Variants in MYO3A observed in about 807,000 individuals in gnomAD.
MYO3A encodes the protein myosin IIIA.
A neutral mutation model predicts 192.7 loss-of-function variants in MYO3A; 180 were observed. That is an observed-to-expected ratio of 0.93 (90% CI 0.83 to 1.06). MYO3A has a LOEUF of 1.06. Among genes scored for constraint, MYO3A ranks in the 50% least tolerant of loss-of-function variants. MYO3A has a pLI of 0.00. For missense variants in MYO3A, 1,896 were observed against 1,905.0 expected, an observed-to-expected ratio of 1.00 and a Z score of 0.09; for synonymous variants, 628 against 645.3, an observed-to-expected ratio of 0.97 and a Z score of 0.41.
At chr10:26,122,589 A>C (rs748185692) in intron 18 of MYO3A, among the ~76,000 whole-genome samples, 1 of 152,154 alleles carries the variant, frequency 6.6e-6, no homozygotes, top group Non-Finnish European at 1.5e-5. Flanking sequence ...CCAGTTGTTC[A>C]TTTCACATCA....
intron 23 of MYO3A, among the ~76,000 whole-genome samples, chr10:26,148,023 G>A (rs1168113305): frequency 1.3e-5 from 2 of 152,248 alleles, no homozygotes; most frequent in African/African-American, 2.4e-5. Flanking sequence ...CTTTACTGGA[G>A]TTTAAAATTG....
intron 18 of MYO3A, among the ~76,000 whole-genome samples, chr10:26,124,591 A>G (rs2131726478): frequency 6.6e-6 from 1 of 152,314 alleles, no homozygotes; most frequent in South Asian, 2.1e-4. Flanking sequence ...ACCAAGAAAC[A>G]TCTTGTCACA....
At chr10:26,206,076 T>G (rs1033279975) in intron 34 of MYO3A, among the ~76,000 whole-genome samples, 6 of 151,938 alleles carry the variant, frequency 3.9e-5, no homozygotes, top group Non-Finnish European at 7.4e-5. Context: ...TTTTTTTTTT[T>G]TTTTGAGTGA....
chr10:26,197,781 G>A (rs1000112929), intron 32 of MYO3A, among the ~76,000 whole-genome samples: 1 of 152,212 alleles, frequency 6.6e-6, no homozygotes, highest in Admixed American at 6.5e-5. Context: ...GGCTAGGCTG[G>A]TCTCAAACTC....
chr10:26,031,497 G>A (rs1251962530), intron 10 of MYO3A, among the ~76,000 whole-genome samples: 1 of 152,148 alleles, frequency 6.6e-6, no homozygotes, highest in East Asian at 1.9e-4. Flanking sequence ...CCACACTGTA[G>A]GTGAAAGTAG....
chr10:26,043,149 G>GTCTCTCTC (rs59621862), intron 10 of MYO3A, among the ~76,000 whole-genome samples: 6,698 of 143,266 alleles, frequency 0.047, 213 homozygotes, highest in Non-Finnish European at 0.059. Flanking sequence ...GCCAAACAGA[G>GTCTCTCTC]TCTCTCTCTC....
At chr10:26,021,710 T>A in intron 8 of MYO3A, 62 bp downstream of exon 8, 1 of 1,589,344 alleles carries the variant, frequency 6.3e-7, no homozygotes, top group Non-Finnish European at 8.6e-7. Flanking sequence ...AGCCACCAAG[T>A]GTTCATCATG....
intron 32 of MYO3A, among the ~76,000 whole-genome samples, chr10:26,196,362 T>C (rs1361729688): frequency 6.6e-6 from 1 of 152,234 alleles, no homozygotes; most frequent in Non-Finnish European, 1.5e-5. Flanking sequence ...GTGAGAAGTG[T>C]GGAGCAAATT....
intron 15 of MYO3A, 147 bp from the exon 16 acceptor site, chr10:26,096,234 C>T: frequency 1.6e-6 from 1 of 637,480 alleles, no homozygotes; most frequent in Non-Finnish European, 2.8e-6. Context: ...ATAATGACAA[C>T]AATAATGACC....
In MYO3A at chr10:26,096,432, A is replaced by G. The variant is rs1837038521; in HGVS notation, c.1614A>G (p.Glu538=). The G allele has an allele frequency of 6.2e-7, 1 of 1,613,634 alleles. No homozygotes were observed. Among genetic ancestry groups the G allele is most frequent in the Non-Finnish European group, 8.5e-7 (1 of 1,179,892 alleles). ...IFYYIYAGLA[E]KKKLAHYKLP... ...ACTACATTTATGCTGGTTTGGCTGAAAAGAAGAAACTAGCCCATTACAAAC... is the reference window on the plus strand; with the variant it reads ...ACTACATTTATGCTGGTTTGGCTGAGAAGAAGAAACTAGCCCATTACAAAC... The change falls in exon 16 of 35, where the codon GAA becomes GAG. Residue 538 remains glutamate, a synonymous_variant. Transcript: ENST00000642920.
At chr10:25,994,342 A>AT (rs1271866158) in intron 4 of MYO3A, among the ~76,000 whole-genome samples, 26 of 151,780 alleles carry the variant, frequency 1.7e-4, no homozygotes, top group African/African-American at 6.0e-4. Context: ...CAACCCCTGC[A>AT]TTTTTTTGTT....
intron 14 of MYO3A, among the ~76,000 whole-genome samples, chr10:26,071,595 A>T (rs1046646714): frequency 6.6e-6 from 1 of 152,198 alleles, no homozygotes; most frequent in African/African-American, 2.4e-5. Flanking sequence ...AACACAACCC[A>T]CAGACTCAGA....
At chr10:25,981,305 C>T (rs11014881) in intron 4 of MYO3A, among the ~76,000 whole-genome samples, 3,865 of 151,934 alleles carry the variant, frequency 0.025, 185 homozygotes, top group African/African-American at 0.088. Flanking sequence ...AAAATTAAGT[C>T]AAAACGGATC....
chr10:26,007,578 T>C (rs1305956008), intron 6 of MYO3A, among the ~76,000 whole-genome samples: 1 of 152,148 alleles, frequency 6.6e-6, no homozygotes, highest in African/African-American at 2.4e-5. Context: ...AGCATTCTTA[T>C]ACACCAATCA....
At chr10:26,051,243 A>G (rs867929725) in intron 10 of MYO3A, among the ~76,000 whole-genome samples, 23 of 152,206 alleles carry the variant, frequency 1.5e-4, no homozygotes, top group African/African-American at 5.3e-4. Flanking sequence ...CAAATACATG[A>G]AGGATGGTGG....
At chr10:25,996,183 T>C (rs1203710190) in intron 4 of MYO3A, among the ~76,000 whole-genome samples, 1 of 152,250 alleles carries the variant, frequency 6.6e-6, no homozygotes, top group African/African-American at 2.4e-5. Context: ...TTTGTTCACC[T>C]ACTCAAGCCT....
At chr10:26,043,269 A>G (rs1014897891) in intron 10 of MYO3A, among the ~76,000 whole-genome samples, 1 of 151,896 alleles carries the variant, frequency 6.6e-6, no homozygotes, top group African/African-American at 2.4e-5. Context: ...TGAAGGCAGC[A>G]TAGCACTGTG....
chr10:26,050,729 G>A (rs17738883), intron 10 of MYO3A, among the ~76,000 whole-genome samples: 24,747 of 152,122 alleles, frequency 0.16, 2,313 homozygotes, highest in Non-Finnish European at 0.21. Context: ...GCGTAAACAC[G>A]CAAAATTTCC....
rs764753847 is a variant in MYO3A at position 26,211,849 on chromosome 10, G to A, written c.4737G>A (p.Trp1579Ter). ...CCCTGGGTTTCACTTGCAGGTGCTG[G>A]GCGGCGGAGAGCCCCGAGAAGGAGG... The part of the protein sequence containing the change: ...NQCIKANERC[W>*]AAESPEKEEE... The change falls in exon 35 of 35, where the codon TGG becomes TGA. Residue 1579 changes from tryptophan to a stop codon, truncating the protein, a stop_gained. Coordinates refer to ENST00000642920, the MANE Select transcript of MYO3A (RefSeq NM_017433.5). LOFTEE classifies it high-confidence loss of function. 3 of 1,614,052 alleles carry A rather than the reference G, an allele frequency of 1.9e-6. No homozygotes were observed. In the South Asian group the frequency reaches 3.3e-5, roughly 18 times the overall value.
Sources: gnomAD v4.1 joint callset for allele counts (sites outside exome capture counted in the v4.1 genomes callset) on GRCh38, gnomAD v4.1.1 for gene constraint, MANE v1.5 for transcripts, NCBI Gene and HGNC (gene_info 2026-07-23, HGNC 2026-07-21) for gene names.